SPIN1: variants seen among roughly 807,000 people sequenced by gnomAD.
The protein encoded by SPIN1 is spindlin-1.
In SPIN1, 3 loss-of-function variants were observed where a neutral mutation model predicts 26.0. That is an observed-to-expected ratio of 0.12 (90% CI 0.05 to 0.30). The LOEUF (loss-of-function observed/expected upper bound fraction) is 0.30. Among genes scored for constraint, SPIN1 ranks in the 10% least tolerant of loss-of-function variants. The pLI is 1.00. For missense variants in SPIN1, 126 were observed against 333.4 expected (o/e 0.38, Z 4.84); for synonymous variants, 101 against 116.5 (o/e 0.87, Z 0.86).
At chr9:88,433,140 C>T (rs924542293) in intron 2 of SPIN1, among the ~76,000 whole-genome samples, 7 of 151,834 alleles carry the variant, frequency 4.6e-5, no homozygotes, top group African/African-American at 1.2e-4. Context: ...AGCACAGTAG[C>T]ATGATCTTGG....
chr9:88,446,071 A>C (rs1467631526), intron 2 of SPIN1, among the ~76,000 whole-genome samples: 1 of 152,120 alleles, frequency 6.6e-6, no homozygotes, highest in African/African-American at 2.4e-5. Flanking sequence ...TCAACTGCTG[A>C]GAAAAGAGAG....
At chr9:88,418,228 A>C (rs556226964) in intron 1 of SPIN1, among the ~76,000 whole-genome samples, 1 of 152,198 alleles carries the variant, frequency 6.6e-6, no homozygotes, top group Non-Finnish European at 1.5e-5. Flanking sequence ...CTGGAAATCA[A>C]ACCACTTCCT....
intron 1 of SPIN1, among the ~76,000 whole-genome samples, chr9:88,412,555 A>G (rs888587141): frequency 5.9e-5 from 9 of 152,296 alleles, no homozygotes; most frequent in South Asian, 4.1e-4. Context: ...TATGAAACCT[A>G]TGGATGCCTT....
intron 1 of SPIN1, among the ~76,000 whole-genome samples, chr9:88,421,928 G>A (rs1449772385): frequency 6.6e-6 from 1 of 151,800 alleles, no homozygotes; most frequent in African/African-American, 2.4e-5. Flanking sequence ...TTTTTGACGA[G>A]TATTTTATAA....
At chr9:88,461,727 C>A (rs1046149487) in intron 3 of SPIN1, among the ~76,000 whole-genome samples, 1 of 152,026 alleles carries the variant, frequency 6.6e-6, no homozygotes, top group Non-Finnish European at 1.5e-5. Flanking sequence ...TCCAAGAAGC[C>A]AGGGTTTTAA....
chr9:88,426,292 C>G (rs952701410), intron 1 of SPIN1, 90 bp from the exon 2 acceptor site: 1 of 336,442 alleles, frequency 3.0e-6, no homozygotes, highest in Non-Finnish European at 5.6e-6. Context: ...TTAGCTAATA[C>G]TTTTGCTTAA....
At chr9:88,437,605 G>C (rs1828032245) in intron 2 of SPIN1, among the ~76,000 whole-genome samples, 2 of 152,066 alleles carry the variant, frequency 1.3e-5, no homozygotes, top group African/African-American at 4.8e-5. Context: ...GATAAATATT[G>C]AGCACAACTC....
At chr9:88,390,956 A>T (rs1261164431) in intron 1 of SPIN1, among the ~76,000 whole-genome samples, 2 of 152,128 alleles carry the variant, frequency 1.3e-5, no homozygotes, top group South Asian at 2.1e-4. Flanking sequence ...CTCTTATTGG[A>T]GTTCACATTT....
intron 1 of SPIN1, among the ~76,000 whole-genome samples, chr9:88,401,761 A>G (rs1827191785): frequency 6.6e-6 from 1 of 152,222 alleles, no homozygotes; most frequent in Non-Finnish European, 1.5e-5. Context: ...AAAATGTAAC[A>G]TTTAATAAGA....
intron 1 of SPIN1, among the ~76,000 whole-genome samples, chr9:88,409,115 C>T (rs1437491998): frequency 6.6e-6 from 1 of 151,740 alleles, no homozygotes; most frequent in African/African-American, 2.4e-5. Context: ...CTTGACTTAG[C>T]CTCGGGAGTA....
At chr9:88,391,705 G>T (rs1295579885) in intron 1 of SPIN1, 1 of 152,128 alleles carries the variant, frequency 6.6e-6, no homozygotes, top group African/African-American at 2.4e-5. Flanking sequence ...TGAAAGTCAC[G>T]CTACTGAAGT....
In SPIN1 at chr9:88,437,488, A is replaced by C. The variant is rs186042034; in HGVS notation, c.52+10897A>C. 2.3e-3 allele frequency among the ~76,000 whole-genome samples: 344 copies of C among 150,980 alleles called. 2 individuals carry two copies. The highest frequency in any genetic ancestry group is 0.01 in the Middle Eastern group (3 of 288). On this transcript the variant is annotated intron_variant, in intron 2 of 5. Coordinates refer to ENST00000375859, the MANE Select transcript of SPIN1 (RefSeq NM_006717.3). The stretch of plus-strand genomic sequence containing the variant: ...ACTCCAGCCTGGGCAACAGAGTAAG[A>C]CCCTGTCTCAAGAAAAAAAAAAAAG...
At chr9:88,473,540 C>A (rs185849118) in intron 5 of SPIN1, among the ~76,000 whole-genome samples, 1 of 152,186 alleles carries the variant, frequency 6.6e-6, no homozygotes, top group East Asian at 1.9e-4. Context: ...ATAAATAGAG[C>A]AAGTCCTGTT....
intron 2 of SPIN1, among the ~76,000 whole-genome samples, chr9:88,442,651 C>T (rs1446781659): frequency 2.0e-5 from 3 of 151,728 alleles, no homozygotes; most frequent in African/African-American, 4.8e-5. Flanking sequence ...TCCCAAAGTG[C>T]TGGGATTACA....
intron 3 of SPIN1, among the ~76,000 whole-genome samples, chr9:88,453,178 A>C (rs916328294): frequency 3.3e-5 from 5 of 151,266 alleles, no homozygotes; most frequent in African/African-American, 1.2e-4. Flanking sequence ...AGCCTTTTGC[A>C]CTCCTAAAAA....
intron 1 of SPIN1, among the ~76,000 whole-genome samples, chr9:88,425,418 G>A (rs929648906): frequency 6.6e-6 from 1 of 152,024 alleles, no homozygotes; most frequent in Admixed American, 6.5e-5. Flanking sequence ...AGTGGCTCAC[G>A]TCTGTAATCC....
chr9:88,472,230 C>G (rs1314780356), intron 5 of SPIN1, among the ~76,000 whole-genome samples: 2 of 152,140 alleles, frequency 1.3e-5, no homozygotes, highest in Non-Finnish European at 2.9e-5. Flanking sequence ...ATTTGTAGAT[C>G]AGTTTTGAAG....
At chr9:88,474,962 C>G (rs564173818) in intron 5 of SPIN1, 116 bp from the exon 6 acceptor site, 2 of 981,630 alleles carry the variant, frequency 2.0e-6, no homozygotes, top group African/African-American at 1.7e-5. Flanking sequence ...TGAATTCAGG[C>G]TATTAAAATT....
At chr9:88,427,250 A>C (rs193262603) in intron 2 of SPIN1, among the ~76,000 whole-genome samples, 3 of 152,320 alleles carry the variant, frequency 2.0e-5, no homozygotes, top group African/African-American at 7.2e-5. Flanking sequence ...AATGAATCAG[A>C]ATTATTCTAT....
Sources: allele counts gnomAD v4.1 joint callset (sites outside exome capture counted in the v4.1 genomes callset), GRCh38; gene constraint gnomAD v4.1.1; transcripts MANE v1.5; gene names NCBI Gene and HGNC (gene_info 2026-07-23, HGNC 2026-07-21).